Variants in FRK observed in about 807,000 individuals in gnomAD.
FRK encodes tyrosine-protein kinase FRK.
In FRK, 51 loss-of-function variants were observed where a neutral mutation model predicts 56.4. The observed-to-expected ratio is 0.90, with a 90% CI of 0.72 to 1.14. The LOEUF (loss-of-function observed/expected upper bound fraction) is 1.14, where lower values mean the gene tolerates loss of function less well. Among genes scored for constraint, FRK ranks in the 50% most tolerant of loss-of-function variants. FRK has a pLI of 0.00. For synonymous variants in FRK, 245 were observed against 217.9 expected (o/e 1.12, Z -1.10); for missense variants, 570 against 601.4 (o/e 0.95, Z 0.55).
At chr6:116,031,906 T>G (rs894286647) in intron 1 of FRK, among the ~76,000 whole-genome samples, 1 of 152,136 alleles carries the variant, frequency 6.6e-6, no homozygotes, top group Non-Finnish European at 1.5e-5. Context: ...TCAGATATTT[T>G]TAAATTCCTA....
rs1337266020 is a variant in FRK, at chr6:116,051,506, A to C, written c.344+8462T>G. Reference sequence around the variant, plus strand: ...AATTTATCCAAATAAGCAATAAAGTAAGTGATCCAGAGTATATGATCTACA... The same window carrying C: ...AATTTATCCAAATAAGCAATAAAGTCAGTGATCCAGAGTATATGATCTACA... On this transcript the variant is annotated intron_variant, in intron 1 of 7. Transcript: ENST00000606080. Among the ~76,000 whole-genome samples the C allele has an allele frequency of 2.6e-5, 4 of 152,174 alleles. No individual in the cohort carries two copies. In the East Asian group the frequency reaches 7.7e-4, roughly 29 times the overall value.
At chr6:116,075,808 A>G in the FRK span, among the ~76,000 whole-genome samples, 2 of 152,190 alleles carry the variant, frequency 1.3e-5, no homozygotes, top group African/African-American at 4.8e-5. Flanking sequence ...CAGGTGCTCA[A>G]AGAAGGCTGT....
Position 115,942,574 on chromosome 6 carries a change from G to A in FRK, c.1358C>T (p.Pro453Leu), listed in dbSNP as rs766270865. 41 of 1,613,598 alleles carry A rather than the reference G, an allele frequency of 2.5e-5. No individual in the cohort carries two copies. Among genetic ancestry groups the A allele is most frequent in the Admixed American group, 6.7e-5 (4 of 59,938 alleles). Reference sequence around the variant, plus strand: ...TTGCTGTGGACAGTTGGATGGTTGCGGAAGTCTATAGTTTTGAGCCAACAT... The same window carrying A: ...TTGCTGTGGACAGTTGGATGGTTGCAGAAGTCTATAGTTTTGAGCCAACAT... ...IQMLAQNYRL[P>L]QPSNCPQQFY... Residue 453 changes from proline (P) to leucine (L), a missense_variant, in exon 8 of 8, where the codon CCG becomes CTG. Transcript: ENST00000606080.
chr6:115,942,467 C>T lies in FRK; in HGVS notation c.1465G>A (p.Asp489Asn). ...TATGAAGAGTCTGTTTCAAAATAGTCTTCAAGTTTCCAACGCAGTGTCTCA... is the reference window on the plus strand; with the variant it reads ...TATGAAGAGTCTGTTTCAAAATAGTTTTCAAGTTTCCAACGCAGTGTCTCA... ...TFETLRWKLE[D>N]YFETDSSYSD... The change falls in exon 8 of 8, where the codon GAC becomes AAC. Residue 489 changes from aspartate (D) to asparagine (N), a missense_variant. By Grantham distance (23) the Asp-to-Asn change is conservative (BLOSUM62 1). Transcript: ENST00000606080. The T allele has an allele frequency of 6.2e-7, 1 of 1,613,748 alleles. No individual in the cohort carries two copies. The highest frequency in any genetic ancestry group is 8.5e-7 in the Non-Finnish European group (1 of 1,179,742).
intron 2 of FRK, among the ~76,000 whole-genome samples, chr6:115,998,827 T>C (rs1343389663): frequency 6.6e-6 from 1 of 152,230 alleles, no homozygotes; most frequent in East Asian, 1.9e-4. Flanking sequence ...TGAATATTAT[T>C]GATGAGCTCT....
At chr6:116,095,777 G>C in the FRK span, among the ~76,000 whole-genome samples, 1 of 152,198 alleles carries the variant, frequency 6.6e-6, no homozygotes, top group Admixed American at 6.5e-5. Flanking sequence ...TGGCAGCAGT[G>C]ACTCTCCAAA....
chr6:116,010,207 C>G (rs1009944423), intron 1 of FRK, among the ~76,000 whole-genome samples: 1 of 150,696 alleles, frequency 6.6e-6, no homozygotes, highest in African/African-American at 2.4e-5. Flanking sequence ...GAGTGAGATT[C>G]TGTCTCGAAA....
chr6:115,975,860 G>A (rs1001235567), intron 2 of FRK, among the ~76,000 whole-genome samples: 2 of 152,068 alleles, frequency 1.3e-5, no homozygotes, highest in African/African-American at 4.8e-5. Flanking sequence ...AGAACATGTC[G>A]AAGAATTAGG....
At chr6:116,093,705 A>T in the FRK span, among the ~76,000 whole-genome samples, 1 of 152,322 alleles carries the variant, frequency 6.6e-6, no homozygotes, top group East Asian at 1.9e-4. Context: ...AAGGAGAATT[A>T]GGAAAAATGA....
At chr6:116,063,885 A>C (rs1020575884), upstream of FRK, among the ~76,000 whole-genome samples, 1 of 152,230 alleles carries the variant, frequency 6.6e-6, no homozygotes. Context: ...AAGGCTAGGT[A>C]ATTTGTCCAA....
At chr6:115,946,082 A>G (rs932782573) in intron 5 of FRK, among the ~76,000 whole-genome samples, 3 of 152,142 alleles carry the variant, frequency 2.0e-5, no homozygotes, top group African/African-American at 7.2e-5. Flanking sequence ...TGTCTGGAGA[A>G]TTAAAAGAAT....
rs1021798393 is a variant in FRK at position 115,936,933 on chromosome 6, C to T, written c.*5481G>A. Reference sequence around the variant, plus strand: ...TATTATCCAGGAGAACATCCCCAACCTAGCAAGACAGGTCAACATTCAAAT... The same window carrying T: ...TATTATCCAGGAGAACATCCCCAACTTAGCAAGACAGGTCAACATTCAAAT... On this transcript the variant is annotated 3_prime_UTR_variant, in exon 8 of 8. Coordinates refer to ENST00000606080, the MANE Select transcript of FRK (RefSeq NM_002031.3). 1 of 152,170 alleles carries T rather than the reference C, an allele frequency of 6.6e-6. No homozygotes were observed. The highest frequency in any genetic ancestry group is 1.5e-5 in the Non-Finnish European group (1 of 68,052). 9.4% of individuals were successfully genotyped at this position (152,170 alleles called of 1,614,324 possible).
At chr6:116,035,695 C>A (rs1345444679) in intron 1 of FRK, among the ~76,000 whole-genome samples, 1 of 152,078 alleles carries the variant, frequency 6.6e-6, no homozygotes, top group African/African-American at 2.4e-5. Context: ...ACTATCAACT[C>A]ATTGGCTTAT....
At chr6:116,099,450 T>C in the FRK span, among the ~76,000 whole-genome samples, 1 of 152,248 alleles carries the variant, frequency 6.6e-6, no homozygotes, top group Non-Finnish European at 1.5e-5. Context: ...AATGCCAAGG[T>C]CAATGCTCCA....
intron 4 of FRK, among the ~76,000 whole-genome samples, chr6:115,957,754 C>G (rs1239981716): frequency 6.6e-6 from 1 of 152,216 alleles, no homozygotes; most frequent in African/African-American, 2.4e-5. Flanking sequence ...TAATCAGACT[C>G]TGCATTCTAG....
intron 2 of FRK, among the ~76,000 whole-genome samples, chr6:115,971,515 G>T (rs73562511): frequency 0.051 from 7,718 of 152,208 alleles, 357 homozygotes; most frequent in African/African-American, 0.11. Context: ...ACACAGAAAA[G>T]CACAACTAAT....
intron 2 of FRK, among the ~76,000 whole-genome samples, chr6:115,982,800 G>A (rs1425626910): frequency 6.6e-6 from 1 of 152,056 alleles, no homozygotes; most frequent in African/African-American, 2.4e-5. Context: ...GGCTTGGTGG[G>A]GTGGTTCATG....
rs1772124275 is a variant in FRK, at chr6:115,939,847, A to C, written c.*2567T>G. ...ATAAGAGAGGACACAAATAAATGGA[A>C]AAACATTCCATGCTCATGGATAGGA... On this transcript the variant is annotated 3_prime_UTR_variant, in exon 8 of 8. Coordinates refer to ENST00000606080, the MANE Select transcript of FRK (RefSeq NM_002031.3). 6.6e-6 allele frequency: 1 copy of C among 152,264 alleles called. No individual in the cohort carries two copies. Among genetic ancestry groups the C allele is most frequent in the South Asian group, 2.1e-4 (1 of 4,830 alleles). The allele number at this position is 152,264 out of a possible 1,614,324, so 9.4% of individuals were successfully genotyped here. A position where few individuals can be genotyped will look rare whatever the true frequency, so the allele number is the denominator to read the frequency against.
chr6:116,050,385 C>A (rs1364147970), intron 1 of FRK, among the ~76,000 whole-genome samples: 1 of 152,170 alleles, frequency 6.6e-6, no homozygotes, highest in Non-Finnish European at 1.5e-5. Flanking sequence ...CCAAACTAAT[C>A]TTCCATCTTT....
Sources: gnomAD v4.1 joint callset for allele counts (sites outside exome capture counted in the v4.1 genomes callset) on GRCh38, gnomAD v4.1.1 for gene constraint, MANE v1.5 for transcripts, NCBI Gene and HGNC (gene_info 2026-07-23, HGNC 2026-07-21) for gene names.